Variants in NRG3 observed in about 807,000 individuals in gnomAD.
NRG3 encodes the protein pro-neuregulin-3, membrane-bound isoform.
NRG3 carries 31 observed loss-of-function variants against 66.9 expected under a neutral mutation model. The ratio of observed to expected loss-of-function variants is 0.46; its 90% CI spans 0.35 to 0.63. The LOEUF (loss-of-function observed/expected upper bound fraction) is 0.63, where lower values mean the gene tolerates loss of function less well. NRG3 is among the 20% of genes least tolerant of loss of function. The probability of loss-of-function intolerance (pLI) is 0.00; values close to 1 mark genes in which losing one functional copy is unlikely to be tolerated. For synonymous variants in NRG3, 393 were observed against 359.4 expected (o/e 1.09, Z -1.06); for missense variants, 910 against 878.9 (o/e 1.04, Z -0.45).
At chr10:82,548,969 G>A (rs766399190) in intron 2 of NRG3, among the ~76,000 whole-genome samples, 8 of 151,964 alleles carry the variant, frequency 5.3e-5, no homozygotes, top group Admixed American at 1.3e-4. Context: ...GATGGCATTG[G>A]GTGAGTGCAA....
intron 2 of NRG3, among the ~76,000 whole-genome samples, chr10:82,393,573 T>G (rs187366842): frequency 1.5e-3 from 235 of 152,330 alleles, no homozygotes; most frequent in Non-Finnish European, 2.4e-3. Flanking sequence ...GAGCTGTGTT[T>G]GAACCCATCT....
chr10:82,802,329 T>C (rs1591568536), intron 3 of NRG3, among the ~76,000 whole-genome samples: 1 of 152,234 alleles, frequency 6.6e-6, no homozygotes, highest in East Asian at 1.9e-4. Context: ...AGAAAATGAA[T>C]GTGCAAAAGG....
intron 2 of NRG3, among the ~76,000 whole-genome samples, chr10:82,702,322 A>G (rs1488896891): frequency 1.3e-5 from 2 of 152,232 alleles, no homozygotes; most frequent in African/African-American, 4.8e-5. Flanking sequence ...GTATCTGGAA[A>G]CAAATTGTTT....
At chr10:82,403,872 C>T (rs1294175300) in intron 2 of NRG3, among the ~76,000 whole-genome samples, 1 of 151,978 alleles carries the variant, frequency 6.6e-6, no homozygotes, top group Non-Finnish European at 1.5e-5. Flanking sequence ...GTAGTTTTCC[C>T]ATCTGTAAAA....
At chr10:82,277,119 A>T (rs1414754) in intron 1 of NRG3, among the ~76,000 whole-genome samples, 23,741 of 151,912 alleles carry the variant, frequency 0.16, 4,558 homozygotes, top group African/African-American at 0.46. Flanking sequence ...TGCTTCTTTC[A>T]AATTGGTCAT....
intron 1 of NRG3, among the ~76,000 whole-genome samples, chr10:82,277,080 T>C (rs559633739): frequency 6.6e-6 from 1 of 151,894 alleles, no homozygotes; most frequent in Admixed American, 6.6e-5. Flanking sequence ...ATAGCAGATA[T>C]TTGTTTTTTA....
chr10:82,436,687 CTGT>C, intron 2 of NRG3, among the ~76,000 whole-genome samples: 1 of 152,070 alleles, frequency 6.6e-6, no homozygotes, highest in Admixed American at 6.6e-5. Context: ...TTTTTCCTTT[CTGT>C]ATTTAGTGCT....
chr10:81,912,342 C>G (rs189766561), intron 1 of NRG3, among the ~76,000 whole-genome samples: 31 of 152,268 alleles, frequency 2.0e-4, no homozygotes, highest in Non-Finnish European at 3.8e-4. Flanking sequence ...CTGCCTCAGC[C>G]TCCTGAGTAG....
At chr10:82,150,528 C>CAAAAAAA (rs1264827514) in intron 1 of NRG3, among the ~76,000 whole-genome samples, 1 of 51,736 alleles carries the variant, frequency 1.9e-5, no homozygotes, top group Non-Finnish European at 3.6e-5. Context: ...AAAGAGCACA[C>CAAAAAAA]ACAAAAAAAA....
chr10:82,621,745 G>T (rs183088269), intron 2 of NRG3, among the ~76,000 whole-genome samples: 1 of 152,252 alleles, frequency 6.6e-6, no homozygotes, highest in Non-Finnish European at 1.5e-5. Flanking sequence ...AATTCCCAAG[G>T]TCAGGCAGCT....
chr10:82,936,460 A>T (rs1848074581), intron 4 of NRG3, among the ~76,000 whole-genome samples: 1 of 152,192 alleles, frequency 6.6e-6, no homozygotes, highest in Admixed American at 6.5e-5. Context: ...TTTAGGGGGA[A>T]GATGGGGTCG....
In NRG3 at chr10:81,922,337, CT is replaced by C. The variant is rs146504452; in HGVS notation, c.823+46178del. Among the ~76,000 whole-genome samples, 575 of 152,270 alleles carry C rather than the reference CT, an allele frequency of 3.8e-3. 7 individuals carry two copies. The highest frequency in any genetic ancestry group is 0.013 in the African/African-American group (548 of 41,562). ...ACATAGATATTTTGCTCAGTAGTAG[CT>C]TTTAGTGTAACCATCACTTGAATAG... On this transcript the variant is annotated intron_variant, in intron 1 of 8. Coordinates refer to ENST00000372141, the MANE Select transcript of NRG3 (RefSeq NM_001010848.4).
In NRG3 at chr10:82,775,836, C is replaced by T. The variant is rs1342307014; in HGVS notation, c.1027+37186C>T. Among the ~76,000 whole-genome samples, 3 of 152,198 alleles carry T rather than the reference C, an allele frequency of 2.0e-5. No homozygotes were observed. The East Asian group carries it at 5.8e-4, about 29-fold the overall frequency. On this transcript the variant is annotated intron_variant, in intron 3 of 8. Transcript: ENST00000372141. The stretch of plus-strand genomic sequence containing the variant: ...TGTTTAGGTGCTTTAGTGTTACCCA[C>T]TCCCCTACAATTTATACTTTTGTTG...
intron 2 of NRG3, among the ~76,000 whole-genome samples, chr10:82,491,249 C>T (rs1027519802): frequency 1.0e-5 from 1 of 96,342 alleles, no homozygotes; most frequent in Non-Finnish European, 2.4e-5. Context: ...AACTGCCTGC[C>T]ATCTTATTTT....
At chr10:82,156,882 G>T (rs1202798655) in intron 1 of NRG3, among the ~76,000 whole-genome samples, 1 of 151,584 alleles carries the variant, frequency 6.6e-6, no homozygotes, top group African/African-American at 2.4e-5. Context: ...CCCATAAGAA[G>T]AAACTATTTA....
intron 2 of NRG3, among the ~76,000 whole-genome samples, chr10:82,472,762 T>C (rs1407892915): frequency 6.6e-6 from 1 of 152,232 alleles, no homozygotes; most frequent in Non-Finnish European, 1.5e-5. Flanking sequence ...GTCTTTTACT[T>C]TAAACTCCAC....
intron 2 of NRG3, among the ~76,000 whole-genome samples, chr10:82,713,219 G>A (rs904788498): frequency 6.6e-6 from 1 of 151,016 alleles, no homozygotes; most frequent in Non-Finnish European, 1.5e-5. Flanking sequence ...TAAGCACTCT[G>A]TCTTCCATTT....
At chr10:82,477,014 C>A (rs2132107716) in intron 2 of NRG3, among the ~76,000 whole-genome samples, 1 of 152,256 alleles carries the variant, frequency 6.6e-6, no homozygotes, top group East Asian at 1.9e-4. Context: ...ACAAGTCTGG[C>A]ACTACTTCTG....
chr10:82,150,015 G>A (rs2070584659), intron 1 of NRG3, among the ~76,000 whole-genome samples: 1 of 152,046 alleles, frequency 6.6e-6, no homozygotes, highest in South Asian at 2.1e-4. Context: ...TGGTTTATAG[G>A]CAGGGCTGAT....
Sources: gnomAD v4.1 joint callset for allele counts (sites outside exome capture counted in the v4.1 genomes callset) on GRCh38, gnomAD v4.1.1 for gene constraint, MANE v1.5 for transcripts, NCBI Gene and HGNC (gene_info 2026-07-23, HGNC 2026-07-21) for gene names.